Variants in FUT1 observed in about 807,000 individuals in gnomAD.
The protein encoded by FUT1 is fucosyltransferase 1 (H blood group), also known as galactoside alpha-(1,2)-fucosyltransferase 1.
For missense variants in FUT1, 476 were observed against 492.7 expected (o/e 0.97, Z 0.32); for synonymous variants, 215 against 208.7 (o/e 1.03, Z -0.26).
At chr19:48,751,861 G>A (rs2122559205) in intron 1 of FUT1, among the ~76,000 whole-genome samples, 1 of 152,210 alleles carries the variant, frequency 6.6e-6, no homozygotes. Context: ...TGAGGCAGGA[G>A]AATCGCCTGA....
chr19:48,751,221 C>CA lies in FUT1; in HGVS notation c.60dup (p.Val21CysfsTer71). The CA allele has an allele frequency of 6.2e-7, 1 of 1,614,142 alleles. No homozygotes were observed. On this transcript the variant is annotated frameshift_variant, in exon 2 of 2. Transcript: ENST00000645652. LOFTEE classifies it low-confidence loss of function (END_TRUNC). Reference sequence around the variant, plus strand: ...TGATGGATATGGAGGAAGAAGATTACAGAGAGGACACAGACTAGCAGGAAG... The same window carrying CA: ...TGATGGATATGGAGGAAGAAGATTACAAGAGAGGACACAGACTAGCAGGAAG...
In FUT1 at chr19:48,750,020, A is replaced by G. The variant is rs2033968715; in HGVS notation, c.*164T>C. The G allele has an allele frequency of 3.7e-6, 3 of 817,832 alleles. No homozygotes were observed. Among genetic ancestry groups the G allele is most frequent in the African/African-American group, 1.7e-5 (1 of 58,188 alleles). The allele number at this position is 817,832 out of a possible 1,614,324, so 50.7% of individuals were successfully genotyped here. On this transcript the variant is annotated 3_prime_UTR_variant, in exon 2 of 2. Transcript: ENST00000645652. ...TTCTAGAATATTCAGACAGTTCCAG[A>G]AACGTCCCCCTTCTCTCCAACTCTC...
At position 48,750,232 on chromosome 19, in the gene FUT1, C is replaced by T. The variant is rs754217989; in HGVS notation, c.1050G>A (p.Val350=). The change falls in exon 2 of 2, where the codon GTG becomes GTA. Residue 350 remains valine (V), a synonymous_variant. Coordinates refer to ENST00000645652, the MANE Select transcript of FUT1 (RefSeq NM_001384359.1). ...KPEAAFLPEW[V]GINADLSPLW... is the part of the protein sequence containing the mutation. ...GTGGAGACAAGTCTGCATTAATGCCCACCCACTCGGGCAGGAAGGCCGCCT... is the reference window on the plus strand; with the variant it reads ...GTGGAGACAAGTCTGCATTAATGCCTACCCACTCGGGCAGGAAGGCCGCCT... The T allele has an allele frequency of 6.2e-7, 1 of 1,612,722 alleles. No homozygotes were observed. The highest frequency in any genetic ancestry group is 1.1e-5 in the South Asian group (1 of 90,870).
In FUT1 at chr19:48,752,130, AAAAAG is replaced by A. The variant is rs1304865840; in HGVS notation, c.-3+355_-3+359del. 6.6e-6 allele frequency among the ~76,000 whole-genome samples: 1 copy of A among 150,440 alleles called. No homozygotes were observed. The highest frequency in any genetic ancestry group is 1.5e-5 in the Non-Finnish European group (1 of 67,782). On this transcript the variant is annotated intron_variant, in intron 1 of 1. Coordinates refer to ENST00000645652, the MANE Select transcript of FUT1 (RefSeq NM_001384359.1). The surrounding 1 kb of genome is among the most constrained non-coding windows in gnomAD (Gnocchi z 4.3). ...GTCTTAAAAAAAAAAAAAAAAAAAA[AAAAAG>A]AAAGTGGTCCAGGTTCCTACACCTT...
At position 48,750,781 on chromosome 19, in the gene FUT1, G is replaced by T. The variant is rs2033986585; in HGVS notation, c.501C>A (p.Phe167Leu). The T allele has an allele frequency of 1.2e-6, 2 of 1,613,888 alleles. No homozygotes were observed. Among genetic ancestry groups the T allele is most frequent in the African/African-American group, 1.3e-5 (1 of 74,940 alleles). ...GGTGGAAGAAAGTCCAAGAGCAGGG[G>T]AAGCCAGAGAGCTTCAGGAAAGGAT... ...LRDPFLKLSG[F>L]PCSWTFFHHL... The change falls in exon 2 of 2, where the codon TTC becomes TTA. Residue 167 changes from phenylalanine (F) to leucine (L), a missense_variant. Physicochemically the swap from Phe to Leu is conservative, Grantham distance 22. Coordinates refer to ENST00000645652, the MANE Select transcript of FUT1 (RefSeq NM_001384359.1).
In FUT1 at chr19:48,748,668, A is replaced by C. The variant is rs917931797; in HGVS notation, c.*1516T>G. 2.0e-5 allele frequency: 3 copies of C among 152,326 alleles called. No homozygotes were observed. The highest frequency in any genetic ancestry group is 2.9e-5 in the Non-Finnish European group (2 of 68,030). The allele number at this position is 152,326 out of a possible 1,614,324, so 9.4% of individuals were successfully genotyped here. A position where few individuals can be genotyped will look rare whatever the true frequency, so the allele number is the denominator to read the frequency against. Reference sequence around the variant, plus strand: ...AGCCTGTCTGCTCAAAACAAACAAAAAAAAGTCTTTGAGGGGCTGTGGGGC... The same window carrying C: ...AGCCTGTCTGCTCAAAACAAACAAACAAAAGTCTTTGAGGGGCTGTGGGGC... On this transcript the variant is annotated 3_prime_UTR_variant, in exon 2 of 2. Transcript: ENST00000645652.
Position 48,750,559 on chromosome 19 carries a change from G to A in FUT1, c.723C>T (p.Tyr241=). 1.2e-6 allele frequency: 2 copies of A among 1,612,280 alleles called. No homozygotes were observed. Among genetic ancestry groups the A allele is most frequent in the South Asian group, 2.2e-5 (2 of 91,090 alleles). ...GGAACCAGTCCATGGCCTGCCGGAG[G>A]TAGGCGCTGTCGCCCACCACACCCT... ...RWKGVVGDSA[Y]LRQAMDWFRA... The change falls in exon 2 of 2, where the codon TAC becomes TAT. Residue 241 remains tyrosine, a synonymous_variant. Transcript: ENST00000645652.
chr19:48,752,406 G>T lies in FUT1; in HGVS notation c.-3+84C>A. On this transcript the variant is annotated intron_variant, in intron 1 of 1. Transcript: ENST00000645652. The surrounding 1 kb of genome is among the most constrained non-coding windows in gnomAD (Gnocchi z 4.3). ...TCCTAGGGCCTTAGGAAGACCTGGA[G>T]AAGAGGTTGGGGGTGCACCTCCTGG... The T allele has an allele frequency of 1.2e-6, 1 of 863,480 alleles. No individual in the cohort carries two copies. The highest frequency in any genetic ancestry group is 5.3e-5 in the South Asian group (1 of 18,828). The allele number at this position is 863,480 out of a possible 1,614,324, so 53.5% of individuals were successfully genotyped here.
At position 48,748,478 on chromosome 19, in the gene FUT1, A is replaced by T. The variant is rs1252620227; in HGVS notation, c.*1706T>A. On this transcript the variant is annotated 3_prime_UTR_variant, in exon 2 of 2. Coordinates refer to ENST00000645652, the MANE Select transcript of FUT1 (RefSeq NM_001384359.1). ...CCCTCAGCAGCCCACCTGCAGACAAAGACCAACTTCCTTCATTGTGAGAGG... is the reference window on the plus strand; with the variant it reads ...CCCTCAGCAGCCCACCTGCAGACAATGACCAACTTCCTTCATTGTGAGAGG... 6.6e-6 allele frequency: 1 copy of T among 152,396 alleles called. No homozygotes were observed. Among genetic ancestry groups the T allele is most frequent in the Non-Finnish European group, 1.5e-5 (1 of 68,116 alleles). The allele number at this position is 152,396 out of a possible 1,614,324, so 9.4% of individuals were successfully genotyped here. A position where few individuals can be genotyped will look rare whatever the true frequency, so the allele number is the denominator to read the frequency against.
rs2034021719 is a variant in FUT1 at position 48,752,603 on chromosome 19, G to C, written c.-116C>G. On this transcript the variant is annotated 5_prime_UTR_variant, in exon 1 of 2. Coordinates refer to ENST00000645652, the MANE Select transcript of FUT1 (RefSeq NM_001384359.1). This position sits in a 1 kb window ranked among gnomAD's most constrained non-coding sequence, Gnocchi z 4.3. Reference sequence around the variant, plus strand: ...TGGAACGCCAGGCGTCCGGCTATCCGGCCCGGCAGCCCTCCCCTCCGCGCA... The same window carrying C: ...TGGAACGCCAGGCGTCCGGCTATCCCGCCCGGCAGCCCTCCCCTCCGCGCA... 2.0e-6 allele frequency: 2 copies of C among 985,332 alleles called. No homozygotes were observed. Among genetic ancestry groups the C allele is most frequent in the South Asian group, 4.7e-5 (1 of 21,298 alleles). The allele number at this position is 985,332 out of a possible 1,614,324, so 61.0% of individuals were successfully genotyped here.
upstream of FUT1, chr19:48,753,186 G>A (rs938953465): frequency 3.3e-5 from 5 of 152,402 alleles, no homozygotes; most frequent in South Asian, 2.1e-4. Context: ...CCAGCCTGCA[G>A]GTGCTCCCGC....
Position 48,748,547 on chromosome 19 carries a change from T to G in FUT1, c.*1637A>C, listed in dbSNP as rs752482807. 1.3e-5 allele frequency: 2 copies of G among 152,278 alleles called. No homozygotes were observed. Among genetic ancestry groups the G allele is most frequent in the Non-Finnish European group, 2.9e-5 (2 of 68,030 alleles). 9.4% of individuals were successfully genotyped at this position (152,278 alleles called of 1,614,324 possible). ...AATATATGGAGCTCTTGGCAGTTTA[T>G]GAGCTTTAAAAAAAAGTGTCCCTGG... On this transcript the variant is annotated 3_prime_UTR_variant, in exon 2 of 2. Transcript: ENST00000645652.
chr19:48,752,110 A>T lies in FUT1; in HGVS notation c.-3+380T>A, dbSNP rs2034012849. On this transcript the variant is annotated intron_variant, in intron 1 of 1. Transcript: ENST00000645652. This position sits in a 1 kb window ranked among gnomAD's most constrained non-coding sequence, Gnocchi z 4.3. The stretch of plus-strand genomic sequence containing the variant: ...GCGCGACAGAGAGGGACCCTGTCTT[A>T]AAAAAAAAAAAAAAAAAAAAAAAAG... Among the ~76,000 whole-genome samples, 2 of 45,776 alleles carry T rather than the reference A, an allele frequency of 4.4e-5. No homozygotes were observed. The highest frequency in any genetic ancestry group is 1.1e-3 in the East Asian group (1 of 900). The allele number at this position is 45,776 out of a possible 152,430, so 30.0% of individuals were successfully genotyped here. A position where few individuals can be genotyped will look rare whatever the true frequency, so the allele number is the denominator to read the frequency against.
upstream of FUT1, among the ~76,000 whole-genome samples, chr19:48,755,088 T>C (rs2034068579): frequency 8.6e-6 from 1 of 116,494 alleles, no homozygotes; most frequent in Admixed American, 9.7e-5. Context: ...CCCTACTCCC[T>C]CAGACCCAGG....
upstream of FUT1, among the ~76,000 whole-genome samples, chr19:48,754,432 G>A (rs941322817): frequency 6.6e-6 from 1 of 152,032 alleles, no homozygotes; most frequent in Non-Finnish European, 1.5e-5. Flanking sequence ...GCTGAGTAAC[G>A]GGTGCCTTCC....
rs2033947604 is a variant in FUT1, at chr19:48,748,884, G to C, written c.*1300C>G. On this transcript the variant is annotated 3_prime_UTR_variant, in exon 2 of 2. Transcript: ENST00000645652. ...ATTCTTCACTTGGCCCGGTGTGCTG[G>C]CTCACATCTATAAACCCAGCATTCT... is the stretch of plus-strand genomic sequence containing the variant. The C allele has an allele frequency of 6.6e-6, 1 of 152,514 alleles. No individual in the cohort carries two copies. Among genetic ancestry groups the C allele is most frequent in the Non-Finnish European group, 1.5e-5 (1 of 68,036 alleles). 9.4% of individuals were successfully genotyped at this position (152,514 alleles called of 1,614,324 possible).
At chr19:48,754,588 A>G (rs1422969147), upstream of FUT1, among the ~76,000 whole-genome samples, 1 of 152,244 alleles carries the variant, frequency 6.6e-6, no homozygotes, top group African/African-American at 2.4e-5. Flanking sequence ...TTTCCTGGTT[A>G]TATTAGTTAT....
chr19:48,753,036 G>C (rs1022009097), upstream of FUT1: 5 of 400,798 alleles, frequency 1.2e-5, no homozygotes, highest in African/African-American at 6.5e-5. Flanking sequence ...TGGGTGCTTC[G>C]AGCCTGGCCA....
At position 48,750,549 on chromosome 19, in the gene FUT1, C is replaced by T; in HGVS notation, c.733G>A (p.Ala245Thr). ...TGCCGTGCCCGGAACCAGTCCATGGCCTGCCGGAGGTAGGCGCTGTCGCCC... is the reference window on the plus strand; with the variant it reads ...TGCCGTGCCCGGAACCAGTCCATGGTCTGCCGGAGGTAGGCGCTGTCGCCC... ...VVGDSAYLRQAMDWFRARHEA... is the reference protein window; with the variant it reads ...VVGDSAYLRQTMDWFRARHEA... Residue 245 changes from alanine (A) to threonine (T), a missense_variant, in exon 2 of 2, where the codon GCC becomes ACC. Ala to Thr is a moderately conservative substitution (Grantham distance 58). Coordinates refer to ENST00000645652, the MANE Select transcript of FUT1 (RefSeq NM_001384359.1). The T allele has an allele frequency of 6.2e-7, 1 of 1,612,760 alleles. No individual in the cohort carries two copies. The highest frequency in any genetic ancestry group is 8.5e-7 in the Non-Finnish European group (1 of 1,180,028).
Sources: gnomAD v4.1 joint callset for allele counts (sites outside exome capture counted in the v4.1 genomes callset) on GRCh38, gnomAD v4.1.1 for gene constraint, Gnocchi (gnomAD v3.1) non-coding constraint, MANE v1.5 for transcripts, NCBI Gene and HGNC (gene_info 2026-07-23, HGNC 2026-07-21) for gene names.